The following MYO1C variants were observed in gnomAD, a reference collection of about 807,000 sequenced individuals.
MYO1C encodes the protein myosin IC.
In MYO1C, 104 loss-of-function variants were observed where a neutral mutation model predicts 150.8. The ratio of observed to expected loss-of-function variants is 0.69; its 90% CI spans 0.59 to 0.81. The LOEUF (loss-of-function observed/expected upper bound fraction) is 0.81, where lower values mean the gene tolerates loss of function less well. Ranked by LOEUF, MYO1C falls within the 30% of genes least tolerant of loss-of-function variation. The pLI is 0.00. For synonymous variants in MYO1C, 663 were observed against 579.9 expected, an observed-to-expected ratio of 1.14 and a Z score of -2.06; for missense variants, 1,504 against 1,435.0, an observed-to-expected ratio of 1.05 and a Z score of -0.78.
chr17:1,482,944 G>A lies in MYO1C; in HGVS notation c.463C>T (p.Gln155Ter), dbSNP rs1228054056. 2.5e-6 allele frequency: 4 copies of A among 1,611,976 alleles called. No individual in the cohort carries two copies. In the Admixed American group the frequency reaches 5.0e-5, roughly 20 times the overall value. ...GKTEATKRLL[Q>*]FYAETCPAPE... ...GCTGGGCAGGTCTCTGCATAGAACT[G>A]CAGCAGCCTCTTGGTGGCCTCGGTC... The change falls in exon 4 of 32, where the codon CAG becomes TAG. Residue 155 changes from glutamine (Q) to a stop codon, truncating the protein, a stop_gained. Coordinates refer to ENST00000648651, the MANE Select transcript of MYO1C (RefSeq NM_001080779.2). LOFTEE classifies it high-confidence loss of function.
At chr17:1,491,827 G>T (rs1001993429) in intron 1 of MYO1C, 5 of 258,402 alleles carry the variant, frequency 1.9e-5, no homozygotes, top group Non-Finnish European at 3.0e-5. Flanking sequence ...GCCCGTTCCC[G>T]GGGCCACAGC....
intron 2 of MYO1C, 31 bp downstream of exon 2, chr17:1,484,117 C>T (rs1046957709): frequency 6.2e-7 from 1 of 1,611,158 alleles, no homozygotes. Flanking sequence ...GTGACCCCAG[C>T]ACCCCTGCCA....
rs757223275 is a variant in MYO1C at position 1,478,087 on chromosome 17, C to T, written c.1401G>A (p.Ala467=). Residue 467 remains alanine, a splice_region_variant and synonymous_variant, in exon 12 of 32, where the codon GCG becomes GCA. Coordinates refer to ENST00000648651, the MANE Select transcript of MYO1C (RefSeq NM_001080779.2). This position sits in a 1 kb window ranked among gnomAD's most constrained non-coding sequence, Gnocchi z 6.3. ...AGAGTGCCCCCAGGCTAGCACACAC[C>T]GCGATGCCCTCTGCCTCGTACTCCT... ...EQEEYEAEGI[A]WEPVQYFNNK... is the part of the protein sequence containing the mutation. 7.4e-6 allele frequency: 12 copies of T among 1,614,010 alleles called. No individual in the cohort carries two copies. The highest frequency in any genetic ancestry group is 1.1e-5 in the South Asian group (1 of 91,090).
intron 2 of MYO1C, 55 bp from the exon 3 acceptor site, chr17:1,483,780 A>G: frequency 7.2e-7 from 1 of 1,393,412 alleles, no homozygotes; most frequent in Non-Finnish European, 1.0e-6. Context: ...GCGATGGCTC[A>G]TGCCTGTAAT....
rs1042843394 is a variant in MYO1C, at chr17:1,478,793, G to C, written c.1093-58C>G. The C allele has an allele frequency of 1.9e-6, 3 of 1,606,086 alleles. No homozygotes were observed. The highest frequency in any genetic ancestry group is 1.3e-5 in the African/African-American group (1 of 74,874). ...GCCACAGAGCCTGTGCATCCCACCT[G>C]CTCCCAGGCTCAGGCAGACCAGGAA... On this transcript the variant is annotated intron_variant, in intron 9 of 31. Transcript: ENST00000648651. This position sits in a 1 kb window ranked among gnomAD's most constrained non-coding sequence, Gnocchi z 6.3.
chr17:1,473,780 C>CTATA (rs2074349306), intron 17 of MYO1C, among the ~76,000 whole-genome samples: 1 of 152,208 alleles, frequency 6.6e-6, no homozygotes, highest in African/African-American at 2.4e-5. Context: ...TGGGCCCTCA[C>CTATA]TATAGGTTCA....
Position 1,484,171 on chromosome 17 carries a change from G to T in MYO1C, c.208C>A (p.Arg70=). 1 of 1,612,806 alleles carries T rather than the reference G, an allele frequency of 6.2e-7. No individual in the cohort carries two copies. Among genetic ancestry groups the T allele is most frequent in the Non-Finnish European group, 8.5e-7 (1 of 1,180,004 alleles). The change falls in exon 2 of 32, where the codon CGA becomes AGA. Residue 70 remains arginine, a synonymous_variant. Coordinates refer to ENST00000648651, the MANE Select transcript of MYO1C (RefSeq NM_001080779.2). ...EAAFIENLRR[R]FRENLIYTYI... is the part of the protein sequence containing the mutation. ...ACGTAGATGAGATTCTCCCGAAATCGCCGCCGCAGGTTCTCGATGAAGGCG... is the reference window on the plus strand; with the variant it reads ...ACGTAGATGAGATTCTCCCGAAATCTCCGCCGCAGGTTCTCGATGAAGGCG...
chr17:1,467,406 C>T (rs1219141539), intron 30 of MYO1C, 65 bp from the exon 31 acceptor site: 3 of 1,595,412 alleles, frequency 1.9e-6, no homozygotes, highest in Non-Finnish European at 2.6e-6. Flanking sequence ...AGGTGGACCC[C>T]CACCCTGTCC....
At chr17:1,491,058 C>T (rs2074723938) in intron 1 of MYO1C, 1 of 152,132 alleles carries the variant, frequency 6.6e-6, no homozygotes, top group South Asian at 2.1e-4. Flanking sequence ...GGAGACGGCT[C>T]CCACTCCCTA....
At chr17:1,476,153 T>C (rs546289331) in intron 14 of MYO1C, among the ~76,000 whole-genome samples, 100 of 152,180 alleles carry the variant, frequency 6.6e-4, no homozygotes, top group African/African-American at 2.3e-3. Context: ...TAAACCCGAA[T>C]AGATTCAGAG....
chr17:1,485,689 C>G (rs2074638617), intron 1 of MYO1C: 1 of 1,209,624 alleles, frequency 8.3e-7, no homozygotes, highest in Non-Finnish European at 1.0e-6. Flanking sequence ...CGCCCCCAGG[C>G]TCACCGACGC....
At position 1,478,518 on chromosome 17, in the gene MYO1C, G is replaced by C; in HGVS notation, c.1213-26C>G. The C allele has an allele frequency of 6.2e-7, 1 of 1,613,896 alleles. No homozygotes were observed. The highest frequency in any genetic ancestry group is 8.5e-7 in the Non-Finnish European group (1 of 1,179,956). ...CTAGGGCAGTCATTCAACCGAAGGC[G>C]TGGGCCCCCTGCGCGTGCCAGCCCC... On this transcript the variant is annotated intron_variant, in intron 10 of 31. Transcript: ENST00000648651. The surrounding 1 kb of genome is among the most constrained non-coding windows in gnomAD (Gnocchi z 6.3).
At chr17:1,483,749 A>T (rs747761010) in intron 2 of MYO1C, 24 bp from the exon 3 acceptor site, 1 of 1,569,714 alleles carries the variant, frequency 6.4e-7, no homozygotes, top group Middle Eastern at 1.7e-4. Flanking sequence ...AAGAGGGTCC[A>T]AAGTTTATCC....
chr17:1,476,693 A>G (rs1156525257), intron 14 of MYO1C, among the ~76,000 whole-genome samples: 1 of 152,226 alleles, frequency 6.6e-6, no homozygotes, highest in African/African-American at 2.4e-5. Context: ...CGCGCTGGAC[A>G]GAGGCGCTTG....
chr17:1,483,090 G>C, intron 3 of MYO1C, 31 bp from the exon 4 acceptor site: 2 of 1,562,878 alleles, frequency 1.3e-6, no homozygotes, highest in Non-Finnish European at 1.7e-6. Flanking sequence ...GGAGTTTGGG[G>C]AGGGGGGCCA....
rs1394261932 is a variant in MYO1C, at chr17:1,478,219, T to C, written c.1296-27A>G. ...TGTAAGGAAGGAGAAGAGCCCACAG[T>C]GGCTCAGTGGGGACACAGGACCAGG... On this transcript the variant is annotated intron_variant, in intron 11 of 31. Transcript: ENST00000648651. This position sits in a 1 kb window ranked among gnomAD's most constrained non-coding sequence, Gnocchi z 6.3. 1.2e-6 allele frequency: 2 copies of C among 1,604,980 alleles called. No individual in the cohort carries two copies. Among genetic ancestry groups the C allele is most frequent in the South Asian group, 2.2e-5 (2 of 90,898 alleles).
intron 22 of MYO1C, 32 bp downstream of exon 22, chr17:1,470,589 C>T (rs1184823942): frequency 1.5e-5 from 24 of 1,602,398 alleles, no homozygotes; most frequent in African/African-American, 2.7e-5. Context: ...CCCCAGACCC[C>T]GCCCCTCCTG....
intron 13 of MYO1C, 93 bp from the exon 14 acceptor site, chr17:1,477,689 G>A: frequency 2.7e-6 from 3 of 1,097,446 alleles, no homozygotes; most frequent in Non-Finnish European, 4.2e-6. Flanking sequence ...ACAGACACAG[G>A]GGAGGGGCAG....
chr17:1,469,397 T>TCGGGGTAAATACGGTAGAA (rs2074250870), intron 25 of MYO1C, 134 bp downstream of exon 25: 2 of 704,280 alleles, frequency 2.8e-6, no homozygotes, highest in Non-Finnish European at 4.9e-6. Flanking sequence ...ATACGGTAGA[T>TCGGGGTAAATACGGTAGAA]CGGGGTAAAT....
Sources: allele counts gnomAD v4.1 joint callset (sites outside exome capture counted in the v4.1 genomes callset), GRCh38; gene constraint gnomAD v4.1.1; non-coding constraint Gnocchi (gnomAD v3.1); transcripts MANE v1.5; gene names NCBI Gene and HGNC (gene_info 2026-07-23, HGNC 2026-07-21).